FAM91A1: variants seen among roughly 807,000 people sequenced by gnomAD.
FAM91A1 encodes family with sequence similarity 91 member A1.
Under a neutral mutation model 113.5 loss-of-function variants are expected in FAM91A1, and 41 were observed. That is an observed-to-expected ratio of 0.36 (90% CI 0.28 to 0.47). FAM91A1 has a LOEUF of 0.47. FAM91A1 is among the 20% of genes least tolerant of loss of function. The probability of loss-of-function intolerance (pLI) is 1.00; values close to 1 mark genes in which losing one functional copy is unlikely to be tolerated. For synonymous variants in FAM91A1, 307 were observed against 347.9 expected, an observed-to-expected ratio of 0.88 and a Z score of 1.31; for missense variants, 696 against 1,001.2, an observed-to-expected ratio of 0.70 and a Z score of 4.11.
intron 2 of FAM91A1, among the ~76,000 whole-genome samples, chr8:123,774,708 T>G (rs1200207489): frequency 6.6e-6 from 1 of 152,186 alleles, no homozygotes; most frequent in Non-Finnish European, 1.5e-5. Flanking sequence ...TGACATTGTT[T>G]TTCTTCATGA....
chr8:123,806,577 C>G (rs955409082), intron 20 of FAM91A1, among the ~76,000 whole-genome samples: 1 of 152,128 alleles, frequency 6.6e-6, no homozygotes, highest in African/African-American at 2.4e-5. Flanking sequence ...TTTTCCCTTT[C>G]AACTTTTTCT....
intron 1 of FAM91A1, among the ~76,000 whole-genome samples, chr8:123,770,665 A>C (rs1814817455): frequency 6.6e-6 from 1 of 152,222 alleles, no homozygotes; most frequent in Admixed American, 6.5e-5. Context: ...ATGAGTGATG[A>C]GATTATATCC....
At position 123,784,987 on chromosome 8, in the gene FAM91A1, A is replaced by G. The variant is rs1370540547; in HGVS notation, c.811-94A>G. ...GTCTTCTAATTATTCATAACTTAAAATTTTGCTGATTATGATTATATTGGT... is the reference window on the plus strand; with the variant it reads ...GTCTTCTAATTATTCATAACTTAAAGTTTTGCTGATTATGATTATATTGGT... On this transcript the variant is annotated intron_variant, in intron 9 of 23. Transcript: ENST00000334705. 4.6e-6 allele frequency: 4 copies of G among 875,572 alleles called. No individual in the cohort carries two copies. In the East Asian group the frequency reaches 1.1e-4, roughly 24 times the overall value. The allele number at this position is 875,572 out of a possible 1,614,324, so 54.2% of individuals were successfully genotyped here. A position where few individuals can be genotyped will look rare whatever the true frequency, so the allele number is the denominator to read the frequency against.
chr8:123,799,523 A>G lies in FAM91A1; in HGVS notation c.1564A>G (p.Ile522Val), dbSNP rs760324932. 4 of 1,611,006 alleles carry G rather than the reference A, an allele frequency of 2.5e-6. No individual in the cohort carries two copies. The highest frequency in any genetic ancestry group is 2.2e-5 in the South Asian group (2 of 90,344). The change falls in exon 17 of 24, where the codon ATT becomes GTT. Residue 522 changes from isoleucine (I) to valine (V), a missense_variant. Physicochemically the swap from Ile to Val is conservative, Grantham distance 29. Coordinates refer to ENST00000334705, the MANE Select transcript of FAM91A1 (RefSeq NM_144963.4). ...CTTAACTGTTTTATGATTGTAGCAT[A>G]TTGGACCAGCTATCCCAGAAGTCAG... is the stretch of plus-strand genomic sequence containing the variant. ...RPVSSCTPQH[I>V]GPAIPEVSSV...
Position 123,781,500 on chromosome 8 carries a change from C to T in FAM91A1, c.703+958C>T, listed in dbSNP as rs561588128. ...TTTTTTTTTTTTTTTTTTTTTGAGA[C>T]GGATTCTAGCTCTATCGCCCAGGCT... On this transcript the variant is annotated intron_variant, in intron 8 of 23. Transcript: ENST00000334705. Among the ~76,000 whole-genome samples, 47 of 127,420 alleles carry T rather than the reference C, an allele frequency of 3.7e-4. 1 individual carries two copies. The East Asian group carries it at 9.6e-3, about 26-fold the overall frequency. The allele number at this position is 127,420 out of a possible 152,430, so 83.6% of individuals were successfully genotyped here. A position where few individuals can be genotyped will look rare whatever the true frequency, so the allele number is the denominator to read the frequency against.
At chr8:123,797,953 T>G (rs1815571642) in intron 15 of FAM91A1, 137 bp from the exon 16 acceptor site, 1 of 948,420 alleles carries the variant, frequency 1.1e-6, no homozygotes. Context: ...CTAGGAAATT[T>G]GGTACTTCTT....
intron 3 of FAM91A1, among the ~76,000 whole-genome samples, chr8:123,775,854 ACT>A (rs989906946): frequency 4.6e-5 from 7 of 152,054 alleles, no homozygotes; most frequent in Admixed American, 4.6e-4. Context: ...AATCCTAGCT[ACT>A]CAGGAGGCTG....
intron 18 of FAM91A1, among the ~76,000 whole-genome samples, chr8:123,805,062 C>A (rs568434176): frequency 3.9e-5 from 6 of 152,272 alleles, no homozygotes; most frequent in Admixed American, 3.3e-4. Flanking sequence ...CCTATACATT[C>A]AATTTGAGAA....
chr8:123,805,791 A>G (rs1815788905), intron 19 of FAM91A1, among the ~76,000 whole-genome samples: 1 of 152,246 alleles, frequency 6.6e-6, no homozygotes, highest in South Asian at 2.1e-4. Context: ...GTGAATTATA[A>G]AAAAGAGGTT....
At chr8:123,779,873 T>G in intron 6 of FAM91A1, 112 bp from the exon 7 acceptor site, 1 of 817,690 alleles carries the variant, frequency 1.2e-6, no homozygotes. Flanking sequence ...AAATATGTAG[T>G]TCATTGAGCT....
Position 123,798,290 on chromosome 8 carries a change from T to G in FAM91A1, c.1560+52T>G, listed in dbSNP as rs771087686. On this transcript the variant is annotated intron_variant, in intron 16 of 23. Coordinates refer to ENST00000334705, the MANE Select transcript of FAM91A1 (RefSeq NM_144963.4). ...TGGTAGTGTCATGAGTCCCATCAGT[T>G]TTGTTTTCTTCTCTATCTGCAGATA... 4.4e-6 allele frequency: 7 copies of G among 1,576,946 alleles called. No individual in the cohort carries two copies. The South Asian group carries it at 8.1e-5, about 18-fold the overall frequency.
At chr8:123,812,403 TGCTTTG>T in intron 23 of FAM91A1, 110 bp from the exon 24 acceptor site, 4 of 691,360 alleles carry the variant, frequency 5.8e-6, no homozygotes, top group Non-Finnish European at 6.5e-6. Flanking sequence ...TCTCCTGTAC[TGCTTTG>T]CAATCCATAA....
chr8:123,774,291 C>A, intron 2 of FAM91A1, 127 bp downstream of exon 2: 1 of 625,922 alleles, frequency 1.6e-6, no homozygotes, highest in Non-Finnish European at 2.6e-6. Flanking sequence ...AGAAACTCTA[C>A]ACTGATCCAT....
chr8:123,792,996 A>G (rs1051036316), intron 15 of FAM91A1, among the ~76,000 whole-genome samples: 2 of 152,168 alleles, frequency 1.3e-5, no homozygotes, highest in African/African-American at 4.8e-5. Context: ...TCCTTCTTCC[A>G]GCCCCATGAA....
chr8:123,809,115 A>G (rs1173948334), intron 22 of FAM91A1, 99 bp downstream of exon 22: 9 of 1,474,610 alleles, frequency 6.1e-6, no homozygotes, highest in East Asian at 2.4e-5. Flanking sequence ...GAGCACAGTA[A>G]TTGTTCTGTA....
intron 18 of FAM91A1, among the ~76,000 whole-genome samples, chr8:123,800,119 G>A (rs58826471): frequency 0.016 from 2,463 of 152,102 alleles, 70 homozygotes; most frequent in African/African-American, 0.054. Flanking sequence ...TGCTTGCTGC[G>A]TGACCATGAT....
Position 123,787,677 on chromosome 8 carries a change from A to G in FAM91A1, c.1205A>G (p.His402Arg). The G allele has an allele frequency of 6.2e-7, 1 of 1,612,200 alleles. No homozygotes were observed. The highest frequency in any genetic ancestry group is 1.1e-5 in the South Asian group (1 of 90,708). The change falls in exon 14 of 24, where the codon CAT becomes CGT. Residue 402 changes from histidine to arginine, a missense_variant. Coordinates refer to ENST00000334705, the MANE Select transcript of FAM91A1 (RefSeq NM_144963.4). ...MGNLSPNLKS[H>R]AVTMFEVGKL... is the part of the protein sequence containing the mutation. ...TCTTTTTTTCAGAACTTGAAAAGTC[A>G]TGCAGTCACAATGTTTGAAGTAGGC...
intron 15 of FAM91A1, 109 bp from the exon 16 acceptor site, chr8:123,797,981 T>G (rs1385355362): frequency 3.2e-5 from 43 of 1,325,432 alleles, no homozygotes; most frequent in Non-Finnish European, 4.2e-5. Context: ...TTACTTTACC[T>G]TAAAAAGAAA....
At chr8:123,793,642 G>A (rs1265043252) in intron 15 of FAM91A1, among the ~76,000 whole-genome samples, 1 of 152,114 alleles carries the variant, frequency 6.6e-6, no homozygotes, top group African/African-American at 2.4e-5. Flanking sequence ...TTCTGGCCAA[G>A]CAATAGCATC....
Sources: gnomAD v4.1 joint callset for allele counts (sites outside exome capture counted in the v4.1 genomes callset) on GRCh38, gnomAD v4.1.1 for gene constraint, MANE v1.5 for transcripts, NCBI Gene and HGNC (gene_info 2026-07-23, HGNC 2026-07-21) for gene names.